The following SCN7A variants were observed in gnomAD, a reference collection of about 807,000 sequenced individuals.
SCN7A encodes the protein sodium channel protein type 7 subunit alpha.
In SCN7A, 138 loss-of-function variants were observed where a neutral mutation model predicts 155.2. The observed-to-expected ratio is 0.89, with a 90% CI of 0.77 to 1.02. The LOEUF (loss-of-function observed/expected upper bound fraction) is 1.02. Among genes scored for constraint, SCN7A ranks in the 50% least tolerant of loss-of-function variants. SCN7A has a pLI of 0.00. For synonymous variants in SCN7A, 693 were observed against 649.0 expected (o/e 1.07, Z -1.03); for missense variants, 2,058 against 1,986.6 (o/e 1.04, Z -0.68).
intron 1 of SCN7A, among the ~76,000 whole-genome samples, chr2:166,490,585 C>T (rs1033802129): frequency 4.6e-5 from 7 of 152,076 alleles, no homozygotes; most frequent in African/African-American, 7.2e-5. Context: ...CACAATGGAA[C>T]GCTATTCGGA....
intron 11 of SCN7A, among the ~76,000 whole-genome samples, chr2:166,451,109 C>T (rs555394170): frequency 5.9e-5 from 9 of 152,180 alleles, no homozygotes; most frequent in South Asian, 2.1e-4. Flanking sequence ...TTGTTGGAAT[C>T]GCATTAAGAA....
chr2:166,427,067 A>C (rs1290003708), intron 18 of SCN7A, among the ~76,000 whole-genome samples: 1 of 152,092 alleles, frequency 6.6e-6, no homozygotes, highest in Non-Finnish European at 1.5e-5. Flanking sequence ...AGAGTGCCAT[A>C]CACTTTATTC....
At chr2:166,492,501 A>C (rs1395926908) in intron 1 of SCN7A, among the ~76,000 whole-genome samples, 1 of 152,228 alleles carries the variant, frequency 6.6e-6, no homozygotes, top group Non-Finnish European at 1.5e-5. Flanking sequence ...AAAACTAAAA[A>C]CAGAAAGAGG....
intron 18 of SCN7A, among the ~76,000 whole-genome samples, chr2:166,425,250 C>T (rs1226522869): frequency 6.6e-6 from 1 of 152,046 alleles, no homozygotes; most frequent in Non-Finnish European, 1.5e-5. Flanking sequence ...TCTTGGCCAC[C>T]TGATGCATAA....
chr2:166,415,030 A>AT (rs1414040951), intron 21 of SCN7A, among the ~76,000 whole-genome samples: 1 of 138,272 alleles, frequency 7.2e-6, no homozygotes, highest in South Asian at 2.2e-4. Flanking sequence ...ATAGGATAAT[A>AT]ATAATATATA....
chr2:166,421,274 G>T lies in SCN7A; in HGVS notation c.3051C>A (p.Gly1017=). 6.5e-7 allele frequency: 1 copy of T among 1,530,468 alleles called. No homozygotes were observed. The highest frequency in any genetic ancestry group is 8.8e-7 in the Non-Finnish European group (1 of 1,139,338). 94.8% of individuals were successfully genotyped at this position (1,530,468 alleles called of 1,614,324 possible). The change falls in exon 20 of 26, where the codon GGC becomes GGA. Residue 1017 remains glycine, a synonymous_variant. Coordinates refer to ENST00000643258, the MANE Select transcript of SCN7A (RefSeq NM_002976.4). ...GAGGTTTTAGTTCTTCCCGAGTTTT[G>T]CCTATTAAGCTAAGACAAAACACCT... ...VVIVFCLSLI[G]KTREELKPLI...
At chr2:166,491,465 A>G (rs973580244) in intron 1 of SCN7A, among the ~76,000 whole-genome samples, 1 of 152,206 alleles carries the variant, frequency 6.6e-6, no homozygotes, top group Non-Finnish European at 1.5e-5. Context: ...CTCATTTGTA[A>G]TAAACAATAA....
intron 21 of SCN7A, among the ~76,000 whole-genome samples, chr2:166,413,368 C>A (rs1213743954): frequency 6.6e-6 from 1 of 151,878 alleles, no homozygotes; most frequent in East Asian, 1.9e-4. Flanking sequence ...AATAGAGAAA[C>A]AGATATATAA....
At chr2:166,462,068 G>A (rs534981736) in intron 10 of SCN7A, 139 of 158,972 alleles carry the variant, frequency 8.7e-4, no homozygotes, top group Non-Finnish European at 1.4e-3. Context: ...CAGCCTGGGT[G>A]ACAGAGTGAG....
In SCN7A at chr2:166,413,130, A is replaced by G; in HGVS notation, c.3415-9T>C. ...CATCCATTAAATGTTGCCTGTAAAA[A>G]TAAAATGCATTTAAAATTTATGCTT... is the stretch of plus-strand genomic sequence containing the variant. On this transcript the variant is annotated splice_polypyrimidine_tract_variant and intron_variant, in intron 21 of 25. Transcript: ENST00000643258. 3 of 1,475,568 alleles carry G rather than the reference A, an allele frequency of 2.0e-6. No homozygotes were observed. The highest frequency in any genetic ancestry group is 2.7e-6 in the Non-Finnish European group (3 of 1,091,490). The allele number at this position is 1,475,568 out of a possible 1,614,324, so 91.4% of individuals were successfully genotyped here. A position where few individuals can be genotyped will look rare whatever the true frequency, so the allele number is the denominator to read the frequency against.
chr2:166,478,264 C>T (rs1702844747), intron 2 of SCN7A, among the ~76,000 whole-genome samples: 1 of 150,424 alleles, frequency 6.6e-6, no homozygotes, highest in South Asian at 2.1e-4. Context: ...CAAACCTACA[C>T]GTTGTGCACG....
At chr2:166,476,488 A>C (rs1346530447) in intron 3 of SCN7A, among the ~76,000 whole-genome samples, 3 of 151,992 alleles carry the variant, frequency 2.0e-5, no homozygotes, top group African/African-American at 7.2e-5. Flanking sequence ...TGGCATTTTT[A>C]GTCAGTCAGG....
chr2:166,439,870 T>C (rs1456641834), intron 15 of SCN7A, among the ~76,000 whole-genome samples: 1 of 152,110 alleles, frequency 6.6e-6, no homozygotes, highest in Non-Finnish European at 1.5e-5. Flanking sequence ...ATGACAAGGG[T>C]CTTCTCAAGG....
Position 166,462,620 on chromosome 2 carries a change from A to G in SCN7A, c.942-90T>C, listed in dbSNP as rs913690404. 22 of 1,233,158 alleles carry G rather than the reference A, an allele frequency of 1.8e-5. No homozygotes were observed. In the African/African-American group the frequency reaches 3.3e-4, roughly 19 times the overall value. The allele number at this position is 1,233,158 out of a possible 1,614,324, so 76.4% of individuals were successfully genotyped here. On this transcript the variant is annotated intron_variant, in intron 9 of 25. Coordinates refer to ENST00000643258, the MANE Select transcript of SCN7A (RefSeq NM_002976.4). ...AAATATAGAACATCAGTCCTGAGTA[A>G]TAGAGAACTCACGCTTCCACAGGGA...
At chr2:166,436,124 G>A (rs1196804189) in intron 15 of SCN7A, among the ~76,000 whole-genome samples, 1 of 152,182 alleles carries the variant, frequency 6.6e-6, no homozygotes, top group Non-Finnish European at 1.5e-5. Context: ...CAAAGAGGCT[G>A]CGTAATATGC....
chr2:166,414,289 C>CATATATAT (rs1234849626), intron 21 of SCN7A, among the ~76,000 whole-genome samples: 1 of 31,108 alleles, frequency 3.2e-5, no homozygotes, highest in African/African-American at 1.2e-4. Flanking sequence ...TATATATACA[C>CATATATAT]ACACATATAT....
At position 166,432,439 on chromosome 2, in the gene SCN7A, T is replaced by C. The variant is rs201982840; in HGVS notation, c.2471A>G (p.Gln824Arg). ...TEKNATENES[Q>R]SLIPSPSVSE... ...GACACTAGGACTGGGGATAAGTGAT[T>C]GGCTCTCATTTTCAGTAGCGTTTTT... The change falls in exon 16 of 26, where the codon CAA (glutamine) becomes CGA (arginine). Residue 824 changes from glutamine to arginine, a missense_variant. Coordinates refer to ENST00000643258, the MANE Select transcript of SCN7A (RefSeq NM_002976.4). 3.1e-6 allele frequency: 5 copies of C among 1,613,672 alleles called. No individual in the cohort carries two copies. In the Admixed American group the frequency reaches 5.0e-5, roughly 16 times the overall value.
At chr2:166,441,810 G>A (rs1038476894) in intron 14 of SCN7A, 58 bp from the exon 15 acceptor site, 25 of 1,335,430 alleles carry the variant, frequency 1.9e-5, no homozygotes, top group Non-Finnish European at 2.6e-5. Context: ...CTTGGTCAGT[G>A]TATATTACAA....
intron 1 of SCN7A, among the ~76,000 whole-genome samples, chr2:166,493,296 T>G (rs1380442774): frequency 2.0e-5 from 3 of 152,224 alleles, no homozygotes; most frequent in Admixed American, 6.5e-5. Context: ...TCATTCCACA[T>G]GCACTCATCA....
Sources: allele counts gnomAD v4.1 joint callset (sites outside exome capture counted in the v4.1 genomes callset), GRCh38; gene constraint gnomAD v4.1.1; transcripts MANE v1.5; gene names NCBI Gene and HGNC (gene_info 2026-07-23, HGNC 2026-07-21).